AFF3: variants seen among roughly 807,000 people sequenced by gnomAD.
The protein encoded by AFF3 is AF4/FMR2 family member 3.
A neutral mutation model predicts 129.7 loss-of-function variants in AFF3; 32 were observed. The ratio of observed to expected loss-of-function variants is 0.25; its 90% CI spans 0.19 to 0.33. AFF3 has a LOEUF of 0.33. AFF3 is among the 10% of genes least tolerant of loss of function. The pLI is 1.00. For missense variants in AFF3, 1,373 were observed against 1,592.0 expected (o/e 0.86, Z 2.34); for synonymous variants, 644 against 635.4 (o/e 1.01, Z -0.20).
chr2:99,854,197 C>A (rs1247717374), intron 7 of AFF3, among the ~76,000 whole-genome samples: 1 of 148,892 alleles, frequency 6.7e-6, no homozygotes, highest in Non-Finnish European at 1.5e-5. Context: ...CACTTAAGTT[C>A]TCTAAATGTA....
chr2:99,747,977 T>C (rs1345369966), intron 9 of AFF3, among the ~76,000 whole-genome samples: 2 of 152,076 alleles, frequency 1.3e-5, no homozygotes, highest in Non-Finnish European at 2.9e-5. Context: ...GTCAGCTACC[T>C]TACCAGGCCA....
chr2:99,808,358 A>G (rs1159681970), intron 8 of AFF3, among the ~76,000 whole-genome samples: 1 of 152,128 alleles, frequency 6.6e-6, no homozygotes, highest in Admixed American at 6.5e-5. Context: ...ATGACAGTAA[A>G]CTTACTCTAG....
chr2:99,800,035 C>T (rs987106647), intron 8 of AFF3, among the ~76,000 whole-genome samples: 1 of 152,052 alleles, frequency 6.6e-6, no homozygotes, highest in African/African-American at 2.4e-5. Context: ...TTCTTAGCCA[C>T]AACTCCAAAA....
chr2:99,616,887 T>C (rs1431358371), intron 13 of AFF3, among the ~76,000 whole-genome samples: 1 of 152,230 alleles, frequency 6.6e-6, no homozygotes, highest in Non-Finnish European at 1.5e-5. Flanking sequence ...TCTAGACATT[T>C]CATAGACATG....
At chr2:99,668,248 G>A (rs576271094) in intron 12 of AFF3, among the ~76,000 whole-genome samples, 43 of 149,990 alleles carry the variant, frequency 2.9e-4, no homozygotes, top group African/African-American at 9.5e-4. Flanking sequence ...CATAGCTCAC[G>A]GCAATCTCAG....
At chr2:99,762,482 G>A (rs765378468) in intron 8 of AFF3, among the ~76,000 whole-genome samples, 2 of 152,066 alleles carry the variant, frequency 1.3e-5, no homozygotes, top group African/African-American at 2.4e-5. Flanking sequence ...CTTGTCATGT[G>A]TTACCACTAT....
At chr2:100,069,262 T>C (rs929465264) in intron 4 of AFF3, among the ~76,000 whole-genome samples, 22 of 152,144 alleles carry the variant, frequency 1.4e-4, no homozygotes, top group African/African-American at 4.1e-4. Flanking sequence ...TAGAATCAAA[T>C]GGGGAAACTA....
At chr2:100,052,350 C>G (rs1686405679) in intron 4 of AFF3, among the ~76,000 whole-genome samples, 2 of 152,130 alleles carry the variant, frequency 1.3e-5, no homozygotes. Context: ...GCAGAAGTAG[C>G]TCTAGATCTT....
intron 13 of AFF3, among the ~76,000 whole-genome samples, chr2:99,636,737 G>A (rs1284080465): frequency 3.3e-5 from 5 of 152,152 alleles, no homozygotes; most frequent in East Asian, 3.9e-4. Context: ...AGCCACAGCC[G>A]GGAGCCAGCA....
intron 11 of AFF3, among the ~76,000 whole-genome samples, chr2:99,685,087 C>T (rs1489336619): frequency 5.9e-5 from 9 of 151,964 alleles, no homozygotes; most frequent in East Asian, 3.9e-4. Context: ...TACAGGTGCC[C>T]GCCACCACAC....
chr2:99,688,629 T>C (rs1245363563), intron 11 of AFF3, among the ~76,000 whole-genome samples: 2 of 152,180 alleles, frequency 1.3e-5, no homozygotes, highest in Non-Finnish European at 2.9e-5. Context: ...TTTCCTTTGA[T>C]GATTCTACCC....
At chr2:99,913,968 T>C (rs1423559953) in intron 7 of AFF3, among the ~76,000 whole-genome samples, 1 of 152,188 alleles carries the variant, frequency 6.6e-6, no homozygotes, top group African/African-American at 2.4e-5. Context: ...TAATGATGCA[T>C]TTCTAGAAAA....
chr2:100,007,598 T>C (rs2104742383), intron 5 of AFF3, 138 bp from the exon 6 acceptor site: 1 of 791,082 alleles, frequency 1.3e-6, no homozygotes, highest in East Asian at 2.5e-5. Flanking sequence ...TCGAAATCCT[T>C]ATCGTCTCTG....
At chr2:99,679,930 A>G (rs540963965) in intron 11 of AFF3, among the ~76,000 whole-genome samples, 1 of 152,344 alleles carries the variant, frequency 6.6e-6, no homozygotes, top group East Asian at 1.9e-4. Flanking sequence ...GATACTACTC[A>G]GCACATTCTA....
In AFF3 at chr2:99,857,129, ATATT is replaced by A. The variant is rs1442799737; in HGVS notation, c.874-19609_874-19606del. Among the ~76,000 whole-genome samples, 12 of 152,182 alleles carry A rather than the reference ATATT, an allele frequency of 7.9e-5. No homozygotes were observed. In the South Asian group the frequency reaches 8.3e-4, roughly 11 times the overall value. On this transcript the variant is annotated intron_variant, in intron 7 of 24. Coordinates refer to ENST00000672756, the MANE Select transcript of AFF3 (RefSeq NM_001386135.1). ...GGTTTCAAGAAGATTGCTCAAATGAATATTTATTTTCTTACAGAGAAACATCTGT... is the reference window on the plus strand; with the variant it reads ...GGTTTCAAGAAGATTGCTCAAATGAATATTTTCTTACAGAGAAACATCTGT...
intron 13 of AFF3, among the ~76,000 whole-genome samples, chr2:99,643,759 AT>A (rs1684437630): frequency 6.6e-6 from 1 of 152,140 alleles, no homozygotes; most frequent in Non-Finnish European, 1.5e-5. Context: ...GCTATGGACC[AT>A]TTCTGATCTG....
chr2:99,926,439 A>G (rs115539963), intron 7 of AFF3, among the ~76,000 whole-genome samples: 4,439 of 152,240 alleles, frequency 0.029, 210 homozygotes, highest in African/African-American at 0.099. Context: ...TTAAAGATAC[A>G]AATTTTTCAT....
chr2:99,642,331 G>GT (rs1321944439), intron 13 of AFF3, among the ~76,000 whole-genome samples: 11 of 150,580 alleles, frequency 7.3e-5, no homozygotes, highest in Non-Finnish European at 1.3e-4. Context: ...TTTGGACTGA[G>GT]TTTTTTTCTC....
chr2:99,736,584 C>G (rs1201959727), intron 10 of AFF3, among the ~76,000 whole-genome samples: 1 of 149,378 alleles, frequency 6.7e-6, no homozygotes, highest in Non-Finnish European at 1.5e-5. Flanking sequence ...ATCATTGCAT[C>G]TAATCCATTT....
Sources: allele counts gnomAD v4.1 joint callset (sites outside exome capture counted in the v4.1 genomes callset), GRCh38; gene constraint gnomAD v4.1.1; transcripts MANE v1.5; gene names NCBI Gene and HGNC (gene_info 2026-07-23, HGNC 2026-07-21).